Variants in OTOF observed in about 807,000 individuals in gnomAD.
The protein encoded by OTOF is fer-1-like family member 2.
Under a neutral mutation model 236.8 loss-of-function variants are expected in OTOF, and 218 were observed. That is an observed-to-expected ratio of 0.92 (90% CI 0.82 to 1.03). The LOEUF is 1.03. Ranked by LOEUF, OTOF falls within the 50% of genes least tolerant of loss-of-function variation. The pLI, the probability that OTOF is intolerant of heterozygous loss-of-function variation, is 0.00. For synonymous variants in OTOF, 1,041 were observed against 1,072.5 expected (o/e 0.97, Z 0.57); for missense variants, 2,590 against 2,694.4 (o/e 0.96, Z 0.86).
rs768440838 is a variant in OTOF, at chr2:26,465,963, G to T, written c.4614C>A (p.Asn1538Lys). ...AGAAGCCTTACTTCCCAAAGACAGG[G>T]TTGAGCTGCTTGGAGATGTAGTTCT... ...DKENYISKQL[N>K]PVFGKSFDIE... The change falls in exon 37 of 47, where the codon AAC becomes AAA. Residue 1538 changes from asparagine to lysine, a missense_variant. Transcript: ENST00000272371. The T allele has an allele frequency of 1.1e-5, 18 of 1,614,136 alleles. No homozygotes were observed. Among genetic ancestry groups the T allele is most frequent in the Non-Finnish European group, 1.5e-5 (18 of 1,180,046 alleles).
At chr2:26,512,974 C>T (rs1666426632) in intron 5 of OTOF, among the ~76,000 whole-genome samples, 1 of 152,170 alleles carries the variant, frequency 6.6e-6, no homozygotes. Flanking sequence ...TGTCACACAG[C>T]ACAGCTTCCT....
chr2:26,518,873 C>G (rs1296853657), intron 4 of OTOF, 137 bp downstream of exon 4: 2 of 721,254 alleles, frequency 2.8e-6, no homozygotes, highest in East Asian at 5.4e-5. Context: ...CAGAGTCTGA[C>G]CTGAGTCTCC....
intron 14 of OTOF, 78 bp downstream of exon 14, chr2:26,482,328 A>C: frequency 1.5e-6 from 2 of 1,354,092 alleles, no homozygotes; most frequent in Non-Finnish European, 2.1e-6. Flanking sequence ...GGTGGTGTGA[A>C]GAGAGGGCAT....
chr2:26,548,787 T>C (rs922152456), intron 1 of OTOF, among the ~76,000 whole-genome samples: 3 of 152,246 alleles, frequency 2.0e-5, no homozygotes, highest in African/African-American at 7.2e-5. Flanking sequence ...TGTAGTTGGC[T>C]ATACCATCTA....
intron 39 of OTOF, 144 bp from the exon 40 acceptor site, chr2:26,464,250 G>A: frequency 9.4e-7 from 1 of 1,060,876 alleles, no homozygotes; most frequent in South Asian, 1.4e-5. Context: ...GGAAACTGAG[G>A]CACAGAAGGA....
At chr2:26,510,292 G>T (rs1037180457) in intron 5 of OTOF, among the ~76,000 whole-genome samples, 3 of 152,062 alleles carry the variant, frequency 2.0e-5, no homozygotes, top group African/African-American at 7.2e-5. Context: ...GCCTCCAGCT[G>T]CCTGGCCCTA....
chr2:26,513,564 G>A (rs922249504), intron 5 of OTOF, among the ~76,000 whole-genome samples: 30 of 152,192 alleles, frequency 2.0e-4, no homozygotes, highest in South Asian at 4.1e-4. Context: ...TCCCCACGCC[G>A]GACCCTAACG....
chr2:26,520,910 A>G (rs1666661272), intron 3 of OTOF, among the ~76,000 whole-genome samples: 1 of 152,226 alleles, frequency 6.6e-6, no homozygotes, highest in African/African-American at 2.4e-5. Context: ...GAAAACATGC[A>G]CGGCTGGGAT....
At position 26,514,009 on chromosome 2, in the gene OTOF, G is replaced by A. The variant is rs555598382; in HGVS notation, c.509+2409C>T. 7.9e-5 allele frequency among the ~76,000 whole-genome samples: 12 copies of A among 152,332 alleles called. No individual in the cohort carries two copies. In the South Asian group the frequency reaches 2.5e-3, roughly 32 times the overall value. On this transcript the variant is annotated intron_variant, in intron 5 of 46. Transcript: ENST00000272371. ...GCCCCATATGGGCAGCCAGGATTAAGCTACAGGAAAACCCCAAGTTCTTGA... is the reference window on the plus strand; with the variant it reads ...GCCCCATATGGGCAGCCAGGATTAAACTACAGGAAAACCCCAAGTTCTTGA...
rs765242160 is a variant in OTOF at position 26,472,623 on chromosome 2, G to T, written c.3760C>A (p.Leu1254Met). Reference sequence around the variant, plus strand: ...TGAGAGGAGGAGCCCCCATTGCACAGCACACGGCAGCGCCGGAGAAGCCTG... The same window carrying T: ...TGAGAGGAGGAGCCCCCATTGCACATCACACGGCAGCGCCGGAGAAGCCTG... ...TVRLLRRCRV[L>M]CNGGSSSHST... Residue 1254 changes from leucine to methionine, a missense_variant, in exon 30 of 47, where the codon CTG becomes ATG. By Grantham distance (15) the Leu-to-Met change is conservative. This residue lies in a region of OTOF where 1,211 missense variants were observed against 1,352.8 expected (regional missense o/e 0.90). Coordinates refer to ENST00000272371, the MANE Select transcript of OTOF (RefSeq NM_194248.3). 2.5e-6 allele frequency: 4 copies of T among 1,613,140 alleles called. No individual in the cohort carries two copies. The South Asian group carries it at 4.4e-5, about 18-fold the overall frequency.
At position 26,467,376 on chromosome 2, in the gene OTOF, C is replaced by T. The variant is rs111033352; in HGVS notation, c.4216G>A (p.Asp1406Asn). Residue 1406 changes from aspartate (D) to asparagine (N), a missense_variant, in exon 34 of 47, where the codon GAT (aspartate) becomes AAT (asparagine). This residue lies in a region of OTOF where 1,211 missense variants were observed against 1,352.8 expected (regional missense o/e 0.90). Transcript: ENST00000272371. Reference sequence around the variant, plus strand: ...TCCTAGGCTCTCACCTTAAGCTCATCAATCTTGGGTTTCTTCTTCTCGGGG... The same window carrying T: ...TCCTAGGCTCTCACCTTAAGCTCATTAATCTTGGGTTTCTTCTTCTCGGGG... ...EAPEKKKPKI[D>N]ELKVYPKELE... 8.5e-5 allele frequency: 137 copies of T among 1,613,906 alleles called. No homozygotes were observed. In the African/African-American group the frequency reaches 1.6e-3, roughly 19 times the overall value.
chr2:26,483,377 A>G (rs1338506366), intron 13 of OTOF, 85 bp downstream of exon 13: 1 of 1,270,854 alleles, frequency 7.9e-7, no homozygotes, highest in Admixed American at 1.7e-5. Flanking sequence ...TTACCTGCCC[A>G]GCTGCCCCAG....
At chr2:26,513,681 G>C (rs1230544597) in intron 5 of OTOF, among the ~76,000 whole-genome samples, 1 of 152,208 alleles carries the variant, frequency 6.6e-6, no homozygotes, top group Non-Finnish European at 1.5e-5. Flanking sequence ...TGAATACCCT[G>C]ATCTATAAGG....
In OTOF at chr2:26,465,749, C is replaced by T. The variant is rs759146769; in HGVS notation, c.4722G>A (p.Gly1574=). 2 of 1,614,120 alleles carry T rather than the reference C, an allele frequency of 1.2e-6. No homozygotes were observed. The highest frequency in any genetic ancestry group is 1.3e-5 in the African/African-American group (1 of 74,940). ...GGTTCTCCAGGTCGATCTTGGTTTC[C>T]CCAATGAGGTCATCAGTGCCCACCA... is the stretch of plus-strand genomic sequence containing the variant. ...WDLVGTDDLI[G]ETKIDLENRF... Residue 1574 remains glycine (G), a synonymous_variant, in exon 38 of 47, where the codon GGG becomes GGA. Coordinates refer to ENST00000272371, the MANE Select transcript of OTOF (RefSeq NM_194248.3).
chr2:26,491,330 G>T (rs1665836309), intron 9 of OTOF, among the ~76,000 whole-genome samples: 1 of 152,124 alleles, frequency 6.6e-6, no homozygotes, highest in African/African-American at 2.4e-5. Context: ...ACTGGGGGGA[G>T]GAAGTGAGGA....
intron 32 of OTOF, among the ~76,000 whole-genome samples, chr2:26,469,938 A>G (rs1250760571): frequency 6.6e-6 from 1 of 152,240 alleles, no homozygotes; most frequent in Non-Finnish European, 1.5e-5. Context: ...TGAGCTAGGT[A>G]GGCAGCGTGG....
chr2:26,475,564 C>T, intron 24 of OTOF, 71 bp from the exon 25 acceptor site: 1 of 1,537,392 alleles, frequency 6.5e-7, no homozygotes, highest in Non-Finnish European at 9.0e-7. Context: ...AGAAGCCACC[C>T]CTACTCACTC....
intron 5 of OTOF, among the ~76,000 whole-genome samples, chr2:26,505,412 TACACACACACACACACACACACAG>T (rs1465364748): frequency 6.7e-6 from 1 of 150,188 alleles, no homozygotes; most frequent in African/African-American, 2.5e-5. Context: ...GGAGGTGAGT[TACACACACACACACACACACACAG>T]ACACACACAC....
chr2:26,503,450 G>A (rs1666170004), intron 6 of OTOF, among the ~76,000 whole-genome samples: 1 of 152,270 alleles, frequency 6.6e-6, no homozygotes, highest in South Asian at 2.1e-4. Context: ...CCCAGAAATA[G>A]GGAGTTGGCC....
Sources: gnomAD v4.1 joint callset for allele counts (sites outside exome capture counted in the v4.1 genomes callset) on GRCh38, gnomAD v4.1.1 for gene constraint, gnomAD v4.1.1 regional missense constraint, MANE v1.5 for transcripts, NCBI Gene and HGNC (gene_info 2026-07-23, HGNC 2026-07-21) for gene names.